Variants in SULF2 observed in about 807,000 individuals in gnomAD.
SULF2 encodes sulfatase 2.
A neutral mutation model predicts 107.7 loss-of-function variants in SULF2; 52 were observed. That is an observed-to-expected ratio of 0.48 (90% confidence interval 0.39 to 0.61). The LOEUF is 0.61. Among genes scored for constraint, SULF2 ranks in the 20% least tolerant of loss-of-function variants. The pLI is 0.00. For synonymous variants in SULF2, 460 were observed against 464.3 expected (o/e 0.99, Z 0.12); for missense variants, 993 against 1,177.3 (o/e 0.84, Z 2.29).
At chr20:47,687,669 G>A (rs1338873597) in intron 5 of SULF2, among the ~76,000 whole-genome samples, 2 of 138,790 alleles carry the variant, frequency 1.4e-5, no homozygotes, top group African/African-American at 5.1e-5. Context: ...GTATGTCTTT[G>A]TGTGTGTCTG....
intron 2 of SULF2, among the ~76,000 whole-genome samples, chr20:47,754,633 G>A (rs1428042969): frequency 1.3e-5 from 2 of 152,130 alleles, no homozygotes; most frequent in Non-Finnish European, 2.9e-5. Context: ...TAAACCCACC[G>A]CATCCACCTC....
chr20:47,730,322 G>GCTT (rs1302576424), intron 3 of SULF2, among the ~76,000 whole-genome samples: 1 of 152,258 alleles, frequency 6.6e-6, no homozygotes, highest in Non-Finnish European at 1.5e-5. Flanking sequence ...GATGGCAGAA[G>GCTT]CTGGGGCTGG....
intron 13 of SULF2, 86 bp from the exon 14 acceptor site, chr20:47,665,379 T>G: frequency 1.1e-6 from 1 of 910,528 alleles, no homozygotes; most frequent in Admixed American, 1.7e-5. Flanking sequence ...CACGCTGCCG[T>G]GTCTGTGCTC....
chr20:47,767,995 A>G (rs546633024), intron 1 of SULF2, among the ~76,000 whole-genome samples: 117 of 152,136 alleles, frequency 7.7e-4, no homozygotes, highest in African/African-American at 2.8e-3. Context: ...TGGAGCTACA[A>G]TGCTAGATCG....
chr20:47,769,756 A>T (rs1025580635), intron 1 of SULF2, among the ~76,000 whole-genome samples: 10 of 152,200 alleles, frequency 6.6e-5, no homozygotes, highest in Non-Finnish European at 1.2e-4. Context: ...TGTCCCAAGG[A>T]GATCAAGTCC....
rs367876062 is a variant in SULF2 at position 47,666,046 on chromosome 20, T to C, written c.1806-93A>G. 26 of 1,582,024 alleles carry C rather than the reference T, an allele frequency of 1.6e-5. No homozygotes were observed. Among genetic ancestry groups the C allele is most frequent in the Non-Finnish European group, 2.0e-5 (23 of 1,152,412 alleles). On this transcript the variant is annotated intron_variant, in intron 12 of 20. Transcript: ENST00000688720. The surrounding 1 kb of genome is among the most constrained non-coding windows in gnomAD (Gnocchi z 5.4). ...GGTGTGGGAAGCCCTTGCCGAGGTC[T>C]GTCCTGTCCCCTTCACCCTCGACTT...
At chr20:47,755,398 T>C (rs1207905676) in intron 2 of SULF2, among the ~76,000 whole-genome samples, 1 of 152,230 alleles carries the variant, frequency 6.6e-6, no homozygotes, top group East Asian at 1.9e-4. Flanking sequence ...AAGTCACAGA[T>C]GCAAAATTCA....
At chr20:47,768,734 A>G (rs557191766) in intron 1 of SULF2, among the ~76,000 whole-genome samples, 1 of 152,190 alleles carries the variant, frequency 6.6e-6, no homozygotes, top group African/African-American at 2.4e-5. Context: ...CCTGGCTGTG[A>G]CTTGGGCCTT....
intron 1 of SULF2, among the ~76,000 whole-genome samples, chr20:47,772,599 A>T (rs2090652109): frequency 6.6e-6 from 1 of 152,140 alleles, no homozygotes; most frequent in Non-Finnish European, 1.5e-5. Context: ...GAAAAGGGGA[A>T]AAAGGAAAAG....
At chr20:47,775,556 T>A (rs2090709064) in intron 1 of SULF2, among the ~76,000 whole-genome samples, 2 of 152,112 alleles carry the variant, frequency 1.3e-5, no homozygotes. Flanking sequence ...TCAGAGCCCA[T>A]TCCCCCAACA....
intron 3 of SULF2, among the ~76,000 whole-genome samples, chr20:47,734,381 C>CTAA (rs1418816010): frequency 6.6e-6 from 1 of 152,166 alleles, no homozygotes; most frequent in African/African-American, 2.4e-5. Flanking sequence ...ACAGTATATT[C>CTAA]TAATATGTAT....
chr20:47,744,168 A>C (rs182384270), intron 2 of SULF2, among the ~76,000 whole-genome samples: 1 of 151,862 alleles, frequency 6.6e-6, no homozygotes, highest in Admixed American at 6.6e-5. Flanking sequence ...GGATATTTTA[A>C]AGTTTTGCTT....
At chr20:47,691,704 G>A (rs2088202852) in intron 4 of SULF2, among the ~76,000 whole-genome samples, 1 of 152,148 alleles carries the variant, frequency 6.6e-6, no homozygotes. Flanking sequence ...AGGGTAAAAT[G>A]CAGAAATGAT....
Position 47,680,288 on chromosome 20 carries a change from A to C in SULF2, c.1065-1484T>G, listed in dbSNP as rs2087781443. On this transcript the variant is annotated intron_variant, in intron 7 of 20. Transcript: ENST00000688720. This position sits in a 1 kb window ranked among gnomAD's most constrained non-coding sequence, Gnocchi z 4.2. ...CCCATAATTTTTGTACTTTTAGTAG[A>C]GGTGGGGTTTCACCATGTTGGCCAG... Among the ~76,000 whole-genome samples the C allele has an allele frequency of 6.6e-6, 1 of 152,214 alleles. No individual in the cohort carries two copies. The highest frequency in any genetic ancestry group is 2.4e-5 in the African/African-American group (1 of 41,454).
chr20:47,690,119 G>A lies in SULF2; in HGVS notation c.737+7C>T. 1 of 1,457,112 alleles carries A rather than the reference G, an allele frequency of 6.9e-7. No individual in the cohort carries two copies. Among genetic ancestry groups the A allele is most frequent in the Non-Finnish European group, 9.2e-7 (1 of 1,092,694 alleles). 90.3% of individuals were successfully genotyped at this position (1,457,112 alleles called of 1,614,324 possible). Reference sequence around the variant, plus strand: ...GTGCCTCTGGCAGGCAGAGTGCTGAGGCTTACATGTGCTGAGATGCGTTTG... The same window carrying A: ...GTGCCTCTGGCAGGCAGAGTGCTGAAGCTTACATGTGCTGAGATGCGTTTG... On this transcript the variant is annotated splice_region_variant and intron_variant, in intron 5 of 20. Transcript: ENST00000688720.
intron 3 of SULF2, among the ~76,000 whole-genome samples, chr20:47,715,924 G>A (rs911020890): frequency 6.6e-6 from 1 of 152,210 alleles, no homozygotes; most frequent in Admixed American, 6.5e-5. Flanking sequence ...CACCCTCTGT[G>A]AGTGGAGGAG....
intron 2 of SULF2, among the ~76,000 whole-genome samples, chr20:47,743,945 G>C (rs1401407617): frequency 6.6e-6 from 1 of 152,144 alleles, no homozygotes; most frequent in Non-Finnish European, 1.5e-5. Context: ...TCTCAGCAAG[G>C]CTTTCTCTGG....
chr20:47,684,742 G>A, intron 5 of SULF2, 161 bp from the exon 6 acceptor site: 1 of 637,298 alleles, frequency 1.6e-6, no homozygotes, highest in Non-Finnish European at 2.6e-6. Context: ...GCATGTCAGG[G>A]GCTTATCCAA....
Position 47,696,555 on chromosome 20 carries a change from C to T in SULF2, c.567+5964G>A, listed in dbSNP as rs978039381. Among the ~76,000 whole-genome samples the T allele has an allele frequency of 4.6e-5, 7 of 152,174 alleles. No homozygotes were observed. In the South Asian group the frequency reaches 6.2e-4, roughly 14 times the overall value. ...TATTCATTTATCTATCTGACAAATA[C>T]AGCAGTGAACAAAACAAATGAGCAT... On this transcript the variant is annotated intron_variant, in intron 4 of 20. Transcript: ENST00000688720.
Sources: allele counts gnomAD v4.1 joint callset (sites outside exome capture counted in the v4.1 genomes callset), GRCh38; gene constraint gnomAD v4.1.1; non-coding constraint Gnocchi (gnomAD v3.1); transcripts MANE v1.5; gene names NCBI Gene and HGNC (gene_info 2026-07-23, HGNC 2026-07-21).